Variants in SLC1A7 observed in about 807,000 individuals in gnomAD.
The protein encoded by SLC1A7 is solute carrier family 1 member 7.
SLC1A7 carries 40 observed loss-of-function variants against 47.7 expected under a neutral mutation model. That is an observed-to-expected ratio of 0.84 (90% CI 0.65 to 1.09). The LOEUF is 1.09. SLC1A7 is among the 50% of genes least tolerant of loss of function. The probability of loss-of-function intolerance (pLI) is 0.00; values close to 1 mark genes in which losing one functional copy is unlikely to be tolerated. For missense variants in SLC1A7, 746 were observed against 769.5 expected (o/e 0.97, Z 0.36); for synonymous variants, 323 against 325.6 (o/e 0.99, Z 0.09).
Position 53,142,026 on chromosome 1 carries a change from C to A in SLC1A7, c.135+289G>T, listed in dbSNP as rs1191450218. Among the ~76,000 whole-genome samples, 4 of 152,286 alleles carry A rather than the reference C, an allele frequency of 2.6e-5. No individual in the cohort carries two copies. In the South Asian group the frequency reaches 8.3e-4, roughly 32 times the overall value. ...CACACAAGACCCCCCTCTTTCCCCGCCACAGCTCTTGGCCCTGTGTTTGTC... is the reference window on the plus strand; with the variant it reads ...CACACAAGACCCCCCTCTTTCCCCGACACAGCTCTTGGCCCTGTGTTTGTC... On this transcript the variant is annotated intron_variant, in intron 1 of 10. Coordinates refer to ENST00000371494, the MANE Select transcript of SLC1A7 (RefSeq NM_006671.6).
rs146288994 is a variant in SLC1A7, at chr1:53,092,717, C to T, written c.868G>A (p.Gly290Ser). The change falls in exon 7 of 11, where the codon GGC (glycine) becomes AGC (serine). Residue 290 changes from glycine (G) to serine (S), a missense_variant. Physicochemically the swap from Gly to Ser is moderately conservative, Grantham distance 56. Coordinates refer to ENST00000371494, the MANE Select transcript of SLC1A7 (RefSeq NM_006671.6). ...ILEMDDPRAVGKKLGFYSVTV... is the reference protein window; with the variant it reads ...ILEMDDPRAVSKKLGFYSVTV... ...ACTGAGTAGAAGCCCAGCTTCTTGC[C>T]GACGGCCCTGGGGTCGTCCATCTCC... 11 of 1,614,084 alleles carry T rather than the reference C, an allele frequency of 6.8e-6. No homozygotes were observed. Among genetic ancestry groups the T allele is most frequent in the African/African-American group, 1.3e-5 (1 of 75,044 alleles).
At chr1:53,140,564 C>T (rs888910898) in intron 1 of SLC1A7, among the ~76,000 whole-genome samples, 5 of 152,038 alleles carry the variant, frequency 3.3e-5, no homozygotes, top group African/African-American at 4.8e-5. Flanking sequence ...CAGCCAGCAG[C>T]GGGGTTACAG....
rs192491657 is a variant in SLC1A7 at position 53,136,922 on chromosome 1, C to T, written c.136-2493G>A. The stretch of plus-strand genomic sequence containing the variant: ...ACTCAAACAGTCCTCCCAGCTAGGC[C>T]TCCCAAAGTGCTGGGATTATAGGTG... On this transcript the variant is annotated intron_variant, in intron 1 of 10. Coordinates refer to ENST00000371494, the MANE Select transcript of SLC1A7 (RefSeq NM_006671.6). Among the ~76,000 whole-genome samples, 137 of 152,054 alleles carry T rather than the reference C, an allele frequency of 9.0e-4. 1 individual carries two copies. Among genetic ancestry groups the T allele is most frequent in the Non-Finnish European group, 1.4e-3 (98 of 67,982 alleles).
intron 3 of SLC1A7, among the ~76,000 whole-genome samples, chr1:53,110,847 T>C (rs1557679167): frequency 6.6e-6 from 1 of 152,126 alleles, no homozygotes; most frequent in Non-Finnish European, 1.5e-5. Flanking sequence ...AGGCCCGTCC[T>C]AGGCCTCTGC....
At chr1:53,096,417 C>T (rs55898414) in intron 5 of SLC1A7, among the ~76,000 whole-genome samples, 223 of 150,864 alleles carry the variant, frequency 1.5e-3, no homozygotes, top group Middle Eastern at 3.5e-3. Context: ...CCTCGGTACA[C>T]TCACACACCC....
At chr1:53,111,495 G>A (rs1644700695) in intron 3 of SLC1A7, among the ~76,000 whole-genome samples, 1 of 152,222 alleles carries the variant, frequency 6.6e-6, no homozygotes, top group Non-Finnish European at 1.5e-5. Context: ...CGGAGGCCAG[G>A]CCAGACACTG....
At chr1:53,089,672 A>G (rs1046041424) in intron 9 of SLC1A7, 128 bp downstream of exon 9, 2 of 946,210 alleles carry the variant, frequency 2.1e-6, no homozygotes, top group Non-Finnish European at 3.3e-6. Flanking sequence ...GGGCACTCCC[A>G]CAGTGCCAAG....
intron 7 of SLC1A7, chr1:53,091,083 G>T: frequency 1.1e-6 from 1 of 898,300 alleles, no homozygotes; most frequent in Non-Finnish European, 1.6e-6. Context: ...GGATATGGAG[G>T]TCTGAGCAGC....
chr1:53,131,776 C>T (rs532924838), intron 2 of SLC1A7, among the ~76,000 whole-genome samples: 30 of 152,318 alleles, frequency 2.0e-4, no homozygotes, highest in South Asian at 4.1e-4. Context: ...AGAGTAGCCT[C>T]GTTAACTTTG....
In SLC1A7 at chr1:53,131,216, C is replaced by A. The variant is rs368835026; in HGVS notation, c.215+3134G>T. Among the ~76,000 whole-genome samples, 20 of 152,316 alleles carry A rather than the reference C, an allele frequency of 1.3e-4. No individual in the cohort carries two copies. In the East Asian group the frequency reaches 2.3e-3, roughly 18 times the overall value. On this transcript the variant is annotated intron_variant, in intron 2 of 10. Transcript: ENST00000371494. ...GCCAGAAGGTGGAGAGCTGGACGGG[C>A]CTTCGTTGCTGGGTAAAGAAGCCCA...
intron 5 of SLC1A7, among the ~76,000 whole-genome samples, chr1:53,095,114 A>T (rs1644470349): frequency 6.6e-6 from 1 of 151,892 alleles, no homozygotes; most frequent in Non-Finnish European, 1.5e-5. Context: ...AAGACCAGGC[A>T]CACGCTGATG....
chr1:53,116,365 C>T (rs1356027906), intron 2 of SLC1A7: 1 of 152,342 alleles, frequency 6.6e-6, no homozygotes, highest in Non-Finnish European at 1.5e-5. Context: ...GGACTGCGGA[C>T]TCTTTACTGG....
intron 2 of SLC1A7, among the ~76,000 whole-genome samples, chr1:53,124,659 A>C (rs1644861835): frequency 6.6e-6 from 1 of 152,222 alleles, no homozygotes; most frequent in Non-Finnish European, 1.5e-5. Context: ...ATGGGCACAC[A>C]AACACACACA....
chr1:53,108,446 C>G (rs767590769), intron 3 of SLC1A7: 1 of 631,532 alleles, frequency 1.6e-6, no homozygotes, highest in Non-Finnish European at 2.9e-6. Context: ...CCCGTCCTTC[C>G]TTAACAGAAG....
intron 3 of SLC1A7, 59 bp from the exon 4 acceptor site, chr1:53,105,833 G>C: frequency 6.9e-7 from 1 of 1,447,472 alleles, no homozygotes; most frequent in Non-Finnish European, 9.7e-7. Flanking sequence ...GGCCCTGGGG[G>C]TTGTGGCCTT....
intron 1 of SLC1A7, among the ~76,000 whole-genome samples, chr1:53,136,654 ATATATATATATATTT>A: frequency 2.3e-5 from 1 of 43,712 alleles, no homozygotes; most frequent in Non-Finnish European, 3.9e-5. Flanking sequence ...TATATATATT[ATATATATATATATTT>A]TTTTTTTTTT....
At chr1:53,107,639 C>T (rs1160916230) in intron 3 of SLC1A7, among the ~76,000 whole-genome samples, 2 of 152,304 alleles carry the variant, frequency 1.3e-5, no homozygotes, top group East Asian at 1.9e-4. Context: ...GGAGAGACTG[C>T]GTGACCAAGC....
At chr1:53,104,093 TG>T (rs1198190601) in intron 4 of SLC1A7, among the ~76,000 whole-genome samples, 8 of 152,176 alleles carry the variant, frequency 5.3e-5, no homozygotes, top group Non-Finnish European at 7.3e-5. Context: ...AGAGCATTCA[TG>T]GGTCTCACCC....
intron 1 of SLC1A7, among the ~76,000 whole-genome samples, chr1:53,136,577 A>AATATATAAACATATATT (rs1557693329): frequency 1.2e-4 from 17 of 137,318 alleles, no homozygotes; most frequent in Admixed American, 7.4e-5. Flanking sequence ...AAACATATAT[A>AATATATAAACATATATT]ATATATAAAC....
Sources: allele counts gnomAD v4.1 joint callset (sites outside exome capture counted in the v4.1 genomes callset), GRCh38; gene constraint gnomAD v4.1.1; transcripts MANE v1.5; gene names NCBI Gene and HGNC (gene_info 2026-07-23, HGNC 2026-07-21).